The following LHFPL3 variants were observed in gnomAD, a reference collection of about 807,000 sequenced individuals.
LHFPL3 encodes LHFPL tetraspan subfamily member 3 protein.
LHFPL3 carries 5 observed loss-of-function variants against 19.3 expected under a neutral mutation model. The observed-to-expected ratio is 0.26, with a 90% CI of 0.14 to 0.54. The LOEUF is 0.54. Ranked by LOEUF, LHFPL3 falls within the 20% of genes least tolerant of loss-of-function variation. LHFPL3 has a pLI of 0.94. For missense variants in LHFPL3, 249 were observed against 307.4 expected, an observed-to-expected ratio of 0.81 and a Z score of 1.42; for synonymous variants, 133 against 126.2, an observed-to-expected ratio of 1.05 and a Z score of -0.36.
chr7:104,509,552 A>G (rs192180814), intron 1 of LHFPL3, among the ~76,000 whole-genome samples: 18 of 152,238 alleles, frequency 1.2e-4, no homozygotes, highest in South Asian at 2.1e-4. Context: ...GTCTAAAAAA[A>G]AAATCAGCAA....
chr7:104,398,851 G>A (rs900362720), intron 1 of LHFPL3, among the ~76,000 whole-genome samples: 39 of 137,872 alleles, frequency 2.8e-4, no homozygotes, highest in Non-Finnish European at 4.8e-4. Context: ...CCCGCCCCCC[G>A]GCCCTGAATA....
intron 1 of LHFPL3, among the ~76,000 whole-genome samples, chr7:104,567,755 A>G (rs925224463): frequency 1.3e-5 from 2 of 152,144 alleles, no homozygotes; most frequent in Admixed American, 6.5e-5. Flanking sequence ...TCAGGCTTGC[A>G]CCTGCTCCAG....
At chr7:104,882,821 T>C (rs1792082319) in intron 2 of LHFPL3, among the ~76,000 whole-genome samples, 1 of 152,120 alleles carries the variant, frequency 6.6e-6, no homozygotes, top group East Asian at 1.9e-4. Context: ...TTTTTAAAAG[T>C]TTCTCTCCCA....
intron 1 of LHFPL3, among the ~76,000 whole-genome samples, chr7:104,408,993 T>C (rs1274310993): frequency 1.3e-5 from 2 of 150,512 alleles, no homozygotes; most frequent in Non-Finnish European, 3.0e-5. Context: ...GCCTCCCGAG[T>C]AGCAGGGACT....
At chr7:104,545,994 G>A (rs1283609988) in intron 1 of LHFPL3, among the ~76,000 whole-genome samples, 2 of 152,094 alleles carry the variant, frequency 1.3e-5, no homozygotes, top group Non-Finnish European at 2.9e-5. Flanking sequence ...ATTGTTGGCT[G>A]CCTATGAGCT....
At chr7:104,612,629 C>T (rs1791232496) in intron 1 of LHFPL3, among the ~76,000 whole-genome samples, 3 of 152,144 alleles carry the variant, frequency 2.0e-5, no homozygotes, top group Admixed American at 2.0e-4. Context: ...AATTTGAAAG[C>T]ATAAAAAGAA....
chr7:104,601,963 T>A (rs892017939), intron 1 of LHFPL3, among the ~76,000 whole-genome samples: 1 of 151,836 alleles, frequency 6.6e-6, no homozygotes, highest in African/African-American at 2.4e-5. Flanking sequence ...TTTCAAAATG[T>A]CATCTCCTTC....
At chr7:104,558,116 G>C (rs111367203) in intron 1 of LHFPL3, among the ~76,000 whole-genome samples, 1 of 150,088 alleles carries the variant, frequency 6.7e-6, no homozygotes, top group East Asian at 1.9e-4. Context: ...CTTTGCTATT[G>C]TGAATAATGC....
At chr7:104,391,399 A>G (rs1349920919) in intron 1 of LHFPL3, among the ~76,000 whole-genome samples, 2 of 152,202 alleles carry the variant, frequency 1.3e-5, no homozygotes, top group African/African-American at 2.4e-5. Flanking sequence ...AGCTTTCTAC[A>G]TATGGCTAGC....
intron 1 of LHFPL3, among the ~76,000 whole-genome samples, chr7:104,590,059 C>A (rs1396547345): frequency 6.6e-6 from 1 of 152,120 alleles, no homozygotes; most frequent in African/African-American, 2.4e-5. Flanking sequence ...TTTCAAAAAA[C>A]CACCTCCTGG....
At chr7:104,695,079 G>C (rs1792974453) in intron 1 of LHFPL3, among the ~76,000 whole-genome samples, 1 of 152,132 alleles carries the variant, frequency 6.6e-6, no homozygotes, top group Non-Finnish European at 1.5e-5. Context: ...CTGCCAGCCT[G>C]ATTCCTTTTC....
chr7:104,498,244 GACA>G (rs72199340), intron 1 of LHFPL3, among the ~76,000 whole-genome samples: 20,267 of 151,992 alleles, frequency 0.13, 2,916 homozygotes, highest in African/African-American at 0.36. Context: ...GTGGATATGT[GACA>G]ACAAAGTCAG....
intron 1 of LHFPL3, among the ~76,000 whole-genome samples, chr7:104,663,393 C>A (rs1037793077): frequency 6.6e-6 from 1 of 152,192 alleles, no homozygotes; most frequent in African/African-American, 2.4e-5. Flanking sequence ...AAGAATTGAA[C>A]TTTCATTGGG....
chr7:104,372,443 T>C (rs1194654442), intron 1 of LHFPL3, among the ~76,000 whole-genome samples: 5 of 152,180 alleles, frequency 3.3e-5, no homozygotes, highest in African/African-American at 1.2e-4. Flanking sequence ...CATATCCTAT[T>C]ATATTTAGGA....
In LHFPL3 at chr7:104,348,924, A is replaced by G. The variant is rs536611261; in HGVS notation, c.445+19700A>G. Reference sequence around the variant, plus strand: ...GAGGAAGGCTGATCAGGCAAAGTCTAATTGGGGAGCTGAAGAACCTCTTTA... The same window carrying G: ...GAGGAAGGCTGATCAGGCAAAGTCTGATTGGGGAGCTGAAGAACCTCTTTA... On this transcript the variant is annotated intron_variant, in intron 1 of 2. Transcript: ENST00000424859. Among the ~76,000 whole-genome samples the G allele has an allele frequency of 4.6e-5, 7 of 152,278 alleles. No homozygotes were observed. In the South Asian group the frequency reaches 6.2e-4, roughly 14 times the overall value.
intron 2 of LHFPL3, among the ~76,000 whole-genome samples, chr7:104,798,602 C>T (rs1790178403): frequency 6.6e-6 from 1 of 152,046 alleles, no homozygotes; most frequent in African/African-American, 2.4e-5. Context: ...TAATTAGTTG[C>T]CTTTTTTCTA....
intron 1 of LHFPL3, among the ~76,000 whole-genome samples, chr7:104,673,046 C>T (rs532948394): frequency 2.0e-5 from 3 of 152,296 alleles, no homozygotes; most frequent in East Asian, 1.9e-4. Context: ...AGCTATAGCT[C>T]ACTTACTGGT....
chr7:104,674,853 G>A (rs1792561209), intron 1 of LHFPL3, among the ~76,000 whole-genome samples: 1 of 152,136 alleles, frequency 6.6e-6, no homozygotes, highest in Admixed American at 6.5e-5. Flanking sequence ...TATAAATCAT[G>A]CATAAATCAA....
At chr7:104,730,543 C>T (rs1474060767) in intron 1 of LHFPL3, among the ~76,000 whole-genome samples, 7 of 152,168 alleles carry the variant, frequency 4.6e-5, no homozygotes, top group African/African-American at 1.7e-4. Flanking sequence ...TAAATGTCTT[C>T]TTTTGAGAAG....
Sources: gnomAD v4.1 joint callset for allele counts (sites outside exome capture counted in the v4.1 genomes callset) on GRCh38, gnomAD v4.1.1 for gene constraint, MANE v1.5 for transcripts, NCBI Gene and HGNC (gene_info 2026-07-23, HGNC 2026-07-21) for gene names.